Variants in FHOD3 observed in about 807,000 individuals in gnomAD.
The protein encoded by FHOD3 is formin homology 2 domain containing 3.
In FHOD3, 90 loss-of-function variants were observed where a neutral mutation model predicts 173.0. That is an observed-to-expected ratio of 0.52 (90% CI 0.44 to 0.62). The LOEUF is 0.62. Ranked by LOEUF, FHOD3 falls within the 20% of genes least tolerant of loss-of-function variation. FHOD3 has a pLI of 0.00. For missense variants in FHOD3, 1,945 were observed against 2,034.7 expected (o/e 0.96, Z 0.85); for synonymous variants, 828 against 823.0 (o/e 1.01, Z -0.10).
chr18:36,444,202 A>ATT (rs1434711258), intron 3 of FHOD3, among the ~76,000 whole-genome samples: 2 of 150,044 alleles, frequency 1.3e-5, no homozygotes, highest in East Asian at 5.1e-4. Context: ...CAAAAAAAAA[A>ATT]AAAAAAAAAA....
chr18:36,377,997 C>T (rs2047532856), intron 3 of FHOD3, among the ~76,000 whole-genome samples: 1 of 152,236 alleles, frequency 6.6e-6, no homozygotes, highest in Non-Finnish European at 1.5e-5. Flanking sequence ...CCCTGGACAT[C>T]ATGGTGGCTA....
intron 19 of FHOD3, among the ~76,000 whole-genome samples, chr18:36,718,983 C>A (rs1329820154): frequency 6.6e-6 from 1 of 152,106 alleles, no homozygotes; most frequent in Non-Finnish European, 1.5e-5. Flanking sequence ...GAGGAAAAGA[C>A]AAAAATGGTC....
chr18:36,589,437 G>T (rs2059138632), intron 6 of FHOD3, among the ~76,000 whole-genome samples: 1 of 152,182 alleles, frequency 6.6e-6, no homozygotes, highest in Non-Finnish European at 1.5e-5. Context: ...GACCCCAAAA[G>T]CCATCACATG....
chr18:36,694,584 T>C (rs1219858580), intron 17 of FHOD3, among the ~76,000 whole-genome samples: 1 of 152,182 alleles, frequency 6.6e-6, no homozygotes, highest in Non-Finnish European at 1.5e-5. Context: ...AACCCTGCCT[T>C]ATATCATTGC....
At chr18:36,649,510 C>A in intron 11 of FHOD3, 105 bp downstream of exon 11, 1 of 774,068 alleles carries the variant, frequency 1.3e-6, no homozygotes, top group Non-Finnish European at 2.0e-6. Context: ...CATTGACTCC[C>A]ACTTGCAAAC....
At chr18:36,403,330 C>T (rs962539891) in intron 3 of FHOD3, among the ~76,000 whole-genome samples, 2 of 152,132 alleles carry the variant, frequency 1.3e-5, no homozygotes, top group South Asian at 2.1e-4. Flanking sequence ...TTGGGGGTGT[C>T]GAATAGAATG....
intron 3 of FHOD3, among the ~76,000 whole-genome samples, chr18:36,407,173 G>A (rs915421534): frequency 3.9e-5 from 6 of 152,176 alleles, no homozygotes; most frequent in Non-Finnish European, 1.5e-5. Context: ...TAGGAATGTG[G>A]TCCAGAGTCA....
Position 36,730,746 on chromosome 18 carries a change from C to T in FHOD3, c.3518C>T (p.Thr1173Met), listed in dbSNP as rs200068789. 2.2e-5 allele frequency: 36 copies of T among 1,613,918 alleles called. 1 individual carries two copies. Among genetic ancestry groups the T allele is most frequent in the East Asian group, 1.6e-4 (7 of 44,882 alleles). The change falls in exon 20 of 29, where the codon ACG becomes ATG. Residue 1173 changes from threonine (T) to methionine (M), a missense_variant. Thr to Met is a moderately conservative substitution (Grantham distance 81, BLOSUM62 -1). This residue lies in a region of FHOD3 where 231 missense variants were observed against 321.9 expected (regional missense o/e 0.72). Transcript: ENST00000590592. ...IGLTVLPPPR[T>M]IKIAILNFDE... ...CTGACGGTGCTGCCCCCTCCAAGGA[C>T]GATTAAGATCGCCATTTTGAATTTT...
At chr18:36,638,854 A>C (rs1051464678) in intron 10 of FHOD3, among the ~76,000 whole-genome samples, 3 of 152,154 alleles carry the variant, frequency 2.0e-5, no homozygotes, top group Non-Finnish European at 1.5e-5. Flanking sequence ...AACAGCCTTG[A>C]GCTTGTCCTG....
chr18:36,687,852 G>A (rs759196429), intron 16 of FHOD3, among the ~76,000 whole-genome samples: 1 of 152,026 alleles, frequency 6.6e-6, no homozygotes, highest in East Asian at 1.9e-4. Flanking sequence ...AATCTTTGTG[G>A]TTTGTGATGC....
chr18:36,437,864 A>G (rs1192364629), intron 3 of FHOD3, among the ~76,000 whole-genome samples: 2 of 152,030 alleles, frequency 1.3e-5, no homozygotes, highest in Non-Finnish European at 2.9e-5. Flanking sequence ...GGATTTCACC[A>G]TGTTGGCCAG....
intron 3 of FHOD3, among the ~76,000 whole-genome samples, chr18:36,388,832 G>C (rs1186315565): frequency 6.6e-6 from 1 of 152,186 alleles, no homozygotes; most frequent in Non-Finnish European, 1.5e-5. Flanking sequence ...TCATATTTTT[G>C]TATCATTTTG....
chr18:36,654,203 T>C (rs1034351100), intron 13 of FHOD3, among the ~76,000 whole-genome samples: 1 of 152,160 alleles, frequency 6.6e-6, no homozygotes, highest in African/African-American at 2.4e-5. Context: ...TGCACCATGT[T>C]TTAAATGAAG....
chr18:36,681,785 A>G, intron 15 of FHOD3, among the ~76,000 whole-genome samples: 1 of 152,180 alleles, frequency 6.6e-6, no homozygotes, highest in East Asian at 1.9e-4. Flanking sequence ...AGTCAGCCAA[A>G]TACAATTAGG....
At chr18:36,516,651 G>A (rs569776147) in intron 5 of FHOD3, among the ~76,000 whole-genome samples, 6 of 152,322 alleles carry the variant, frequency 3.9e-5, no homozygotes, top group South Asian at 2.1e-4. Flanking sequence ...GGCTGAGGCC[G>A]GAGGATCACT....
At chr18:36,474,986 T>TACACACACACACAC (rs3056805) in intron 3 of FHOD3, among the ~76,000 whole-genome samples, 2 of 108,106 alleles carry the variant, frequency 1.9e-5, no homozygotes, top group Admixed American at 1.1e-4. Flanking sequence ...AATACACACA[T>TACACACACACACAC]ACACACACAC....
At chr18:36,372,880 T>C in intron 3 of FHOD3, 136 bp downstream of exon 3, 4 of 722,084 alleles carry the variant, frequency 5.5e-6, no homozygotes, top group Non-Finnish European at 9.1e-6. Context: ...GTGAAACAAT[T>C]TCCAGCAATG....
chr18:36,607,109 C>T (rs2032167053), intron 8 of FHOD3, among the ~76,000 whole-genome samples: 1 of 152,234 alleles, frequency 6.6e-6, no homozygotes, highest in African/African-American at 2.4e-5. Flanking sequence ...TCCCGTGGCT[C>T]CACTAGGCAT....
intron 5 of FHOD3, among the ~76,000 whole-genome samples, chr18:36,544,255 C>T (rs2057333059): frequency 6.6e-6 from 1 of 152,228 alleles, no homozygotes; most frequent in African/African-American, 2.4e-5. Context: ...GTGCCACCTC[C>T]CCACCCGATC....
Sources: allele counts gnomAD v4.1 joint callset (sites outside exome capture counted in the v4.1 genomes callset), GRCh38; gene constraint gnomAD v4.1.1; regional missense constraint gnomAD v4.1.1; transcripts MANE v1.5; gene names NCBI Gene and HGNC (gene_info 2026-07-23, HGNC 2026-07-21).